The following MAPRE2 variants were observed in gnomAD, a reference collection of about 807,000 sequenced individuals.
The protein encoded by MAPRE2 is microtubule-associated protein RP/EB family member 2.
Under a neutral mutation model 43.2 loss-of-function variants are expected in MAPRE2, and 13 were observed. The ratio of observed to expected loss-of-function variants is 0.30; its 90% CI spans 0.20 to 0.48. The LOEUF (loss-of-function observed/expected upper bound fraction) is 0.48. MAPRE2 is among the 20% of genes least tolerant of loss of function. The pLI is 0.99. For synonymous variants in MAPRE2, 135 were observed against 148.8 expected (o/e 0.91, Z 0.68); for missense variants, 161 against 400.2 (o/e 0.40, Z 5.10).
At chr18:35,101,864 T>G in intron 3 of MAPRE2, 82 bp from the exon 4 acceptor site, 1 of 1,033,650 alleles carries the variant, frequency 9.7e-7, no homozygotes. Context: ...TGCAGATATC[T>G]TTTTGAGATA....
In MAPRE2 at chr18:35,041,678, G is replaced by C. The variant is rs368060834; in HGVS notation, c.122+17G>C. On this transcript the variant is annotated intron_variant, in intron 1 of 6. Transcript: ENST00000300249. The stretch of plus-strand genomic sequence containing the variant: ...TTCCTACAGGTAATGGGGCTGGCAC[G>C]AGAGCAGCGCCGGGGACCGCCGTGA... 6.2e-7 allele frequency: 1 copy of C among 1,614,094 alleles called. No individual in the cohort carries two copies. The highest frequency in any genetic ancestry group is 2.2e-5 in the East Asian group (1 of 44,878).
At chr18:35,029,300 CT>C (rs2097046684) in intron 2 of MAPRE2, among the ~76,000 whole-genome samples, 1 of 152,176 alleles carries the variant, frequency 6.6e-6, no homozygotes, top group South Asian at 2.1e-4. Flanking sequence ...TGCTTTCCAG[CT>C]GCCGGCCTCA....
upstream of MAPRE2, among the ~76,000 whole-genome samples, chr18:35,037,845 C>T (rs372626861): frequency 6.6e-6 from 1 of 152,204 alleles, no homozygotes; most frequent in South Asian, 2.1e-4. Flanking sequence ...TTCCTTTCCC[C>T]AGCCCCTCTG....
intron 6 of MAPRE2, among the ~76,000 whole-genome samples, chr18:35,132,642 CAGG>C (rs1246675379): frequency 6.6e-6 from 1 of 152,128 alleles, no homozygotes; most frequent in Non-Finnish European, 1.5e-5. Context: ...TACTCATTGC[CAGG>C]ACAGACTAGA....
intron 2 of MAPRE2, among the ~76,000 whole-genome samples, chr18:35,097,231 G>A (rs1908468557): frequency 6.6e-6 from 1 of 152,190 alleles, no homozygotes; most frequent in African/African-American, 2.4e-5. Context: ...GTTTAGGGTT[G>A]GGAAGTGGCA....
intron 2 of MAPRE2, among the ~76,000 whole-genome samples, chr18:35,090,011 G>T (rs1908067898): frequency 6.6e-6 from 1 of 152,184 alleles, no homozygotes; most frequent in South Asian, 2.1e-4. Context: ...AGAAGAGTTT[G>T]CTGAGTGAAA....
intron 1 of MAPRE2, among the ~76,000 whole-genome samples, chr18:35,061,530 T>C (rs1312841372): frequency 6.6e-6 from 1 of 152,160 alleles, no homozygotes; most frequent in Non-Finnish European, 1.5e-5. Flanking sequence ...ATTGTCTGTC[T>C]AATCCCATCA....
intron 6 of MAPRE2, among the ~76,000 whole-genome samples, chr18:35,139,759 A>AGAG (rs1910542756): frequency 6.6e-6 from 1 of 152,164 alleles, no homozygotes; most frequent in Non-Finnish European, 1.5e-5. Context: ...TCAGGTTAGT[A>AGAG]ACATAACAAA....
intron 6 of MAPRE2, among the ~76,000 whole-genome samples, chr18:35,133,561 G>T (rs681365): frequency 0.17 from 25,941 of 152,078 alleles, 2,469 homozygotes; most frequent in East Asian, 0.28. Context: ...TCTCCACAGC[G>T]CCATGAGACT....
intron 1 of MAPRE2, among the ~76,000 whole-genome samples, chr18:34,991,062 G>A (rs550305831): frequency 6.6e-6 from 1 of 152,214 alleles, no homozygotes; most frequent in East Asian, 1.9e-4. Flanking sequence ...ATGCAGATTT[G>A]TTACAATGGT....
Position 35,033,518 on chromosome 18 carries a change from T to A in MAPRE2, c.-8+27965T>A, listed in dbSNP as rs374809568. On this transcript the variant is annotated intron_variant, in intron 2 of 7. Coordinates refer to the MAPRE2 transcript ENST00000413393. The stretch of plus-strand genomic sequence containing the variant: ...TGTTGGAAGTTCTGGCCAGGGCAAT[T>A]AGGCAGGAGAAGGAAATAAAGGGTA... Among the ~76,000 whole-genome samples the A allele has an allele frequency of 4.1e-3, 625 of 151,586 alleles. 3 individuals carry two copies. The highest frequency in any genetic ancestry group is 7.2e-3 in the Non-Finnish European group (488 of 67,866).
upstream of MAPRE2, among the ~76,000 whole-genome samples, chr18:35,040,262 A>G (rs1374740485): frequency 6.6e-6 from 1 of 152,184 alleles, no homozygotes; most frequent in African/African-American, 2.4e-5. Context: ...GAACATATGC[A>G]GGGTCTTTTC....
chr18:34,984,010 A>G (rs1603385858), intron 1 of MAPRE2, among the ~76,000 whole-genome samples: 2 of 141,016 alleles, frequency 1.4e-5, no homozygotes, highest in East Asian at 4.1e-4. Flanking sequence ...ACTAAATACT[A>G]AAAGGATATA....
intron 2 of MAPRE2, among the ~76,000 whole-genome samples, chr18:35,008,535 G>A (rs2150581927): frequency 6.6e-6 from 1 of 152,236 alleles, no homozygotes. Context: ...GTGAGTCACA[G>A]CATCTTTTAC....
chr18:35,114,221 A>G (rs145907901), intron 4 of MAPRE2, among the ~76,000 whole-genome samples: 1 of 152,274 alleles, frequency 6.6e-6, no homozygotes, highest in East Asian at 1.9e-4. Flanking sequence ...TCCTCCCCAC[A>G]CTATGCTGAA....
rs182475495 is a variant in MAPRE2 at position 35,010,468 on chromosome 18, A to G, written c.-8+4915A>G. Among the ~76,000 whole-genome samples the G allele has an allele frequency of 3.1e-3, 477 of 152,316 alleles. 2 individuals are homozygous for G. The highest frequency in any genetic ancestry group is 0.011 in the African/African-American group (455 of 41,568). On this transcript the variant is annotated intron_variant, in intron 2 of 7. Transcript: ENST00000413393. ...ATACATCTTGTTTGTTGTGAGAATA[A>G]TTAGAGGTAACATAATTGTTGGGTG...
intron 2 of MAPRE2, among the ~76,000 whole-genome samples, chr18:35,007,829 T>C (rs942668291): frequency 6.6e-6 from 1 of 152,222 alleles, no homozygotes; most frequent in African/African-American, 2.4e-5. Context: ...GTGATTTTTT[T>C]TTTTCAATAA....
intron 2 of MAPRE2, among the ~76,000 whole-genome samples, chr18:35,006,658 T>C (rs2097032012): frequency 6.6e-6 from 1 of 152,232 alleles, no homozygotes. Flanking sequence ...TTAGTTTATT[T>C]AGTGTGGAAG....
chr18:35,077,949 A>G (rs1907450659), intron 2 of MAPRE2, among the ~76,000 whole-genome samples: 1 of 152,222 alleles, frequency 6.6e-6, no homozygotes, highest in Admixed American at 6.5e-5. Flanking sequence ...CAATCACTTT[A>G]TATGATGGAT....
Sources: allele counts gnomAD v4.1 joint callset (sites outside exome capture counted in the v4.1 genomes callset), GRCh38; gene constraint gnomAD v4.1.1; transcripts MANE v1.5; gene names NCBI Gene and HGNC (gene_info 2026-07-23, HGNC 2026-07-21).